The following TBC1D1 variants were observed in gnomAD, a reference collection of about 807,000 sequenced individuals.
TBC1D1 encodes the protein TBC1 domain family member 1.
Under a neutral mutation model 125.6 loss-of-function variants are expected in TBC1D1, and 89 were observed. The observed-to-expected ratio is 0.71, with a 90% CI of 0.60 to 0.85. The LOEUF (loss-of-function observed/expected upper bound fraction) is 0.85. TBC1D1 is among the 40% of genes least tolerant of loss of function. The pLI is 0.00. For synonymous variants in TBC1D1, 565 were observed against 564.1 expected (o/e 1.00, Z -0.02); for missense variants, 1,377 against 1,469.2 (o/e 0.94, Z 1.03).
intron 12 of TBC1D1, among the ~76,000 whole-genome samples, chr4:38,060,908 C>T (rs1752631694): frequency 6.6e-6 from 1 of 152,120 alleles, no homozygotes; most frequent in Non-Finnish European, 1.5e-5. Flanking sequence ...GAATAAACAA[C>T]CGTGGGAAAT....
At chr4:37,901,732 T>TG (rs201156712) in intron 1 of TBC1D1, among the ~76,000 whole-genome samples, 1,893 of 152,346 alleles carry the variant, frequency 0.012, 34 homozygotes, top group South Asian at 0.025. Flanking sequence ...TCTTCTATCA[T>TG]GGGGGCCTTT....
chr4:38,102,486 G>T (rs1316686797), intron 14 of TBC1D1, among the ~76,000 whole-genome samples: 1 of 152,062 alleles, frequency 6.6e-6, no homozygotes, highest in Non-Finnish European at 1.5e-5. Flanking sequence ...GGAGGAAGGG[G>T]CCAGGGAAGT....
At chr4:38,065,985 A>T (rs1753664284) in intron 12 of TBC1D1, among the ~76,000 whole-genome samples, 1 of 152,212 alleles carries the variant, frequency 6.6e-6, no homozygotes, top group Non-Finnish European at 1.5e-5. Context: ...GGACAGAAAG[A>T]TTGAGTGACA....
chr4:37,993,466 A>G (rs1737084031), intron 2 of TBC1D1, among the ~76,000 whole-genome samples: 1 of 152,212 alleles, frequency 6.6e-6, no homozygotes, highest in Admixed American at 6.5e-5. Context: ...CACTTGGTAG[A>G]TGGAGTTCTT....
intron 2 of TBC1D1, among the ~76,000 whole-genome samples, chr4:37,953,218 A>G (rs10517457): frequency 0.18 from 27,020 of 152,214 alleles, 2,729 homozygotes; most frequent in East Asian, 0.32. Flanking sequence ...AATTAATGGA[A>G]TAGAACCAGG....
At position 37,995,636 on chromosome 4, in the gene TBC1D1, T is replaced by C. The variant is rs141092260; in HGVS notation, c.418-18873T>C. On this transcript the variant is annotated intron_variant, in intron 2 of 19. Transcript: ENST00000261439. The surrounding 1 kb of genome is among the most constrained non-coding windows in gnomAD (Gnocchi z 4.3). ...TCCCCATAGGCTGTCTTATCTCACTTTTGCACCAACGCCTGGTAATCCATT... is the reference window on the plus strand; with the variant it reads ...TCCCCATAGGCTGTCTTATCTCACTCTTGCACCAACGCCTGGTAATCCATT... 6.2e-4 allele frequency: 311 copies of C among 504,510 alleles called. 1 individual carries two copies. The highest frequency in any genetic ancestry group is 5.1e-3 in the African/African-American group (263 of 51,614). 31.3% of individuals were successfully genotyped at this position (504,510 alleles called of 1,614,324 possible).
Position 37,901,293 on chromosome 4 carries a change from A to G in TBC1D1, c.-93-710A>G, listed in dbSNP as rs150746835. ...TGCCTCAGCCTCCTGAGTAGCTGGG[A>G]TTACAGACACCTACCACCACACCAG... On this transcript the variant is annotated intron_variant, in intron 1 of 19. Transcript: ENST00000261439. Among the ~76,000 whole-genome samples, 688 of 151,986 alleles carry G rather than the reference A, an allele frequency of 4.5e-3. 1 individual carries two copies. Among genetic ancestry groups the G allele is most frequent in the African/African-American group, 0.016 (648 of 41,478 alleles).
intron 2 of TBC1D1, among the ~76,000 whole-genome samples, chr4:37,997,653 C>A (rs1166898513): frequency 6.6e-6 from 1 of 152,070 alleles, no homozygotes; most frequent in Non-Finnish European, 1.5e-5. Context: ...AATACATATT[C>A]CTACCACCCA....
Position 38,128,113 on chromosome 4 carries a change from G to C in TBC1D1, c.3132+2982G>C, listed in dbSNP as rs569598904. ...TGAACTAAAGGATCACAGCATGTGA[G>C]AAGGTACAGGAATGAGAGCAGAGAG... On this transcript the variant is annotated intron_variant, in intron 18 of 19. Transcript: ENST00000261439. Among the ~76,000 whole-genome samples the C allele has an allele frequency of 2.6e-5, 4 of 152,328 alleles. No individual in the cohort carries two copies. The East Asian group carries it at 7.7e-4, about 29-fold the overall frequency.
chr4:38,064,626 CT>C (rs71190945), intron 12 of TBC1D1, among the ~76,000 whole-genome samples: 21,213 of 138,154 alleles, frequency 0.15, 1,574 homozygotes, highest in African/African-American at 0.18. Flanking sequence ...AGCTACATTT[CT>C]TTTTTTTTTT....
At chr4:37,896,149 G>T (rs761760869) in intron 1 of TBC1D1, among the ~76,000 whole-genome samples, 5 of 152,140 alleles carry the variant, frequency 3.3e-5, no homozygotes, top group Non-Finnish European at 5.9e-5. Flanking sequence ...ATCAATATTG[G>T]CCGGTTCCTA....
rs1380048112 is a variant in TBC1D1 at position 38,014,159 on chromosome 4, A to G, written c.418-350A>G. Reference sequence around the variant, plus strand: ...AGGCCTTTAGCTTTGGAGTGGGACCAGCCTGGGCTTGAATCCAAGGCCTGC... The same window carrying G: ...AGGCCTTTAGCTTTGGAGTGGGACCGGCCTGGGCTTGAATCCAAGGCCTGC... On this transcript the variant is annotated intron_variant, in intron 2 of 19. Transcript: ENST00000261439. The surrounding 1 kb of genome is among the most constrained non-coding windows in gnomAD (Gnocchi z 5.1). 6.6e-6 allele frequency among the ~76,000 whole-genome samples: 1 copy of G among 152,218 alleles called. No homozygotes were observed. Among genetic ancestry groups the G allele is most frequent in the Non-Finnish European group, 1.5e-5 (1 of 68,046 alleles).
chr4:37,902,439 C>T lies in TBC1D1; in HGVS notation c.344C>T (p.Ala115Val). Reference sequence around the variant, plus strand: ...AACAGTCATGACCCAAGTTACTTTGCTTGTCTGATTAAGGAAGACGCTGTC... The same window carrying T: ...AACAGTCATGACCCAAGTTACTTTGTTTGTCTGATTAAGGAAGACGCTGTC... The change falls in exon 2 of 20, where the codon GCT becomes GTT. Residue 115 changes from alanine (A) to valine (V), a missense_variant. Coordinates refer to ENST00000261439, the MANE Select transcript of TBC1D1 (RefSeq NM_015173.4). The T allele has an allele frequency of 6.2e-7, 1 of 1,614,126 alleles. No individual in the cohort carries two copies. The highest frequency in any genetic ancestry group is 8.5e-7 in the Non-Finnish European group (1 of 1,179,996).
intron 6 of TBC1D1, among the ~76,000 whole-genome samples, 179 bp downstream of exon 6, chr4:38,021,897 A>T (rs925461583): frequency 1.3e-5 from 2 of 152,220 alleles, no homozygotes; most frequent in Non-Finnish European, 2.9e-5. Context: ...ATTGTGCCGG[A>T]TGCTGGTGAT....
At chr4:38,086,325 G>A (rs986671910) in intron 12 of TBC1D1, among the ~76,000 whole-genome samples, 3 of 152,112 alleles carry the variant, frequency 2.0e-5, no homozygotes, top group Admixed American at 1.3e-4. Flanking sequence ...GGGATATTTA[G>A]CAATGCCTAG....
At chr4:37,923,322 T>A (rs1311229308) in intron 2 of TBC1D1, among the ~76,000 whole-genome samples, 1 of 152,196 alleles carries the variant, frequency 6.6e-6, no homozygotes, top group African/African-American at 2.4e-5. Flanking sequence ...CCATGGTGTA[T>A]ATGTGCCCCA....
chr4:37,893,437 C>T (rs984295854), intron 1 of TBC1D1, among the ~76,000 whole-genome samples: 1 of 152,174 alleles, frequency 6.6e-6, no homozygotes, highest in African/African-American at 2.4e-5. Flanking sequence ...AGTTTAATGA[C>T]CACGTTAGTT....
intron 13 of TBC1D1, among the ~76,000 whole-genome samples, chr4:38,090,798 G>T (rs533153740): frequency 6.6e-6 from 1 of 152,230 alleles, no homozygotes; most frequent in African/African-American, 2.4e-5. Context: ...TGAAGATTTT[G>T]AGCAGGAAGT....
At chr4:38,002,612 C>A (rs576542987) in intron 2 of TBC1D1, among the ~76,000 whole-genome samples, 1 of 152,174 alleles carries the variant, frequency 6.6e-6, no homozygotes, top group Admixed American at 6.5e-5. Context: ...TTGCAGTATG[C>A]CAGACAGTGT....
Sources: gnomAD v4.1 joint callset for allele counts (sites outside exome capture counted in the v4.1 genomes callset) on GRCh38, gnomAD v4.1.1 for gene constraint, Gnocchi (gnomAD v3.1) non-coding constraint, MANE v1.5 for transcripts, NCBI Gene and HGNC (gene_info 2026-07-23, HGNC 2026-07-21) for gene names.